LIMS1: variants seen among roughly 807,000 people sequenced by gnomAD.
The protein encoded by LIMS1 is LIM and senescent cell antigen-like-containing domain protein 1.
Under a neutral mutation model 44.1 loss-of-function variants are expected in LIMS1, and 18 were observed. That is an observed-to-expected ratio of 0.41 (90% CI 0.28 to 0.61). The LOEUF (loss-of-function observed/expected upper bound fraction) is 0.61, where lower values mean the gene tolerates loss of function less well. Ranked by LOEUF, LIMS1 falls within the 20% of genes least tolerant of loss-of-function variation. LIMS1 has a pLI of 0.32. For missense variants in LIMS1, 201 were observed against 422.0 expected (o/e 0.48, Z 4.59); for synonymous variants, 93 against 149.1 (o/e 0.62, Z 2.74).
rs72948775 is a variant in LIMS1, at chr2:108,615,065, C to T, written c.33-44540C>T. ...GAAATATGCTGAGCAGATATAGATACGCTAGAATCTATAGCGTATAGTTGT... is the reference window on the plus strand; with the variant it reads ...GAAATATGCTGAGCAGATATAGATATGCTAGAATCTATAGCGTATAGTTGT... On this transcript the variant is annotated intron_variant, in intron 1 of 9. Coordinates refer to ENST00000544547, the Ensembl canonical transcript of LIMS1. Among the ~76,000 whole-genome samples, 715 of 151,504 alleles carry T rather than the reference C, an allele frequency of 4.7e-3. 7 individuals carry two copies. The highest frequency in any genetic ancestry group is 0.015 in the African/African-American group (607 of 41,424).
intron 1 of LIMS1, among the ~76,000 whole-genome samples, chr2:108,538,707 G>A (rs533436851): frequency 1.3e-5 from 2 of 152,146 alleles, no homozygotes; most frequent in South Asian, 2.1e-4. Flanking sequence ...AAAAAGTTAC[G>A]GGAAAACATG....
intron 1 of LIMS1, among the ~76,000 whole-genome samples, chr2:108,570,849 G>A (rs1028823384): frequency 6.6e-6 from 1 of 152,152 alleles, no homozygotes; most frequent in Non-Finnish European, 1.5e-5. Flanking sequence ...GGCCAAGACC[G>A]CTCCTCCATC....
intron 1 of LIMS1, among the ~76,000 whole-genome samples, chr2:108,608,115 C>T (rs1687374357): frequency 6.6e-6 from 1 of 152,200 alleles, no homozygotes; most frequent in Non-Finnish European, 1.5e-5. Flanking sequence ...CTCTTCCAAT[C>T]ACATTCCCTC....
At chr2:108,644,326 GC>G (rs1211782945) in intron 1 of LIMS1, among the ~76,000 whole-genome samples, 1 of 152,124 alleles carries the variant, frequency 6.6e-6, no homozygotes, top group East Asian at 1.9e-4. Context: ...ACAGCCTGCA[GC>G]CCCCGCCAGT....
chr2:108,651,624 G>A (rs1690495599), intron 1 of LIMS1, among the ~76,000 whole-genome samples: 1 of 152,032 alleles, frequency 6.6e-6, no homozygotes, highest in Middle Eastern at 3.4e-3. Context: ...TCTATTTAGG[G>A]TTACTGTGTG....
At chr2:108,596,920 T>TG (rs1413880490) in intron 1 of LIMS1, among the ~76,000 whole-genome samples, 1 of 138,766 alleles carries the variant, frequency 7.2e-6, no homozygotes, top group African/African-American at 2.7e-5. Flanking sequence ...CATCTGTTTT[T>TG]TTTTTTTTTT....
exon 1 of LIMS1, chr2:108,534,439 G>C (rs922222637): frequency 2.7e-6 from 2 of 745,940 alleles, no homozygotes; most frequent in African/African-American, 1.9e-5. Flanking sequence ...CCGGCCCCTG[G>C]CCTTCCTCCC....
intron 1 of LIMS1, among the ~76,000 whole-genome samples, chr2:108,616,649 AT>A (rs898282433): frequency 1.0e-3 from 155 of 150,828 alleles, no homozygotes; most frequent in African/African-American, 3.5e-3. Flanking sequence ...TATTTTCATG[AT>A]TTTTTTTTTC....
intron 1 of LIMS1, among the ~76,000 whole-genome samples, chr2:108,582,623 C>G (rs1469888504): frequency 6.6e-6 from 1 of 151,990 alleles, no homozygotes; most frequent in African/African-American, 2.4e-5. Flanking sequence ...TGAAAATTTG[C>G]TAGGTGTGGT....
chr2:108,650,530 G>A (rs2148944031), intron 1 of LIMS1, among the ~76,000 whole-genome samples: 1 of 151,738 alleles, frequency 6.6e-6, no homozygotes, highest in Admixed American at 6.6e-5. Context: ...CGATTCTCCT[G>A]CCTCAGCCTC....
chr2:108,626,601 A>G (rs1395510929), intron 1 of LIMS1, among the ~76,000 whole-genome samples: 1 of 152,214 alleles, frequency 6.6e-6, no homozygotes, highest in Non-Finnish European at 1.5e-5. Flanking sequence ...CTGTGCATCT[A>G]GCACGTACTG....
In LIMS1 at chr2:108,675,893, C is replaced by T. The variant is rs139019525; in HGVS notation, c.546C>T (p.Ala182=). 2.5e-5 allele frequency: 41 copies of T among 1,613,810 alleles called. No individual in the cohort carries two copies. The Middle Eastern group carries it at 8.2e-4, about 32-fold the overall frequency. The change falls in exon 6 of 10, where the codon GCC becomes GCT. Residue 182 remains alanine, a synonymous_variant. Coordinates refer to ENST00000544547, the Ensembl canonical transcript of LIMS1. ...TCACGGACAGGAAGGAGCTGACTGC[C>T]GATGCACGGGAGCTGAAAGGGGAGC... is the stretch of plus-strand genomic sequence containing the variant.
intron 1 of LIMS1, among the ~76,000 whole-genome samples, chr2:108,657,591 C>T (rs1172544957): frequency 2.0e-3 from 303 of 152,122 alleles, no homozygotes; most frequent in African/African-American, 6.9e-3. Context: ...ATCTGGCTTA[C>T]GGCAAAGCTG....
chr2:108,650,561 G>C lies in LIMS1; in HGVS notation c.33-9044G>C, dbSNP rs145106800. On this transcript the variant is annotated intron_variant, in intron 1 of 9. Coordinates refer to ENST00000544547, the Ensembl canonical transcript of LIMS1. Reference sequence around the variant, plus strand: ...GCCTCCTGAGCAGCTGGGATTACACGTGCCCACCACCACGCCAGCTAATGT... The same window carrying C: ...GCCTCCTGAGCAGCTGGGATTACACCTGCCCACCACCACGCCAGCTAATGT... 5.3e-5 allele frequency among the ~76,000 whole-genome samples: 8 copies of C among 152,138 alleles called. No homozygotes were observed. The East Asian group carries it at 1.4e-3, about 26-fold the overall frequency.
intron 1 of LIMS1, among the ~76,000 whole-genome samples, chr2:108,550,018 G>A (rs938363181): frequency 6.6e-6 from 1 of 152,038 alleles, no homozygotes; most frequent in Non-Finnish European, 1.5e-5. Flanking sequence ...TAAAATGCCT[G>A]ATGATATCCT....
At chr2:108,551,658 G>GTATATATATA (rs915096911) in intron 1 of LIMS1, among the ~76,000 whole-genome samples, 3 of 141,552 alleles carry the variant, frequency 2.1e-5, no homozygotes, top group Non-Finnish European at 4.5e-5. Context: ...GTATATATAT[G>GTATATATATA]TATATACACA....
chr2:108,597,577 G>A (rs1267470141), intron 1 of LIMS1, among the ~76,000 whole-genome samples: 4 of 152,104 alleles, frequency 2.6e-5, no homozygotes, highest in African/African-American at 7.2e-5. Context: ...ACGTATGTCT[G>A]TGTGAAAGAG....
At chr2:108,663,486 C>A (rs1270132675) in intron 2 of LIMS1, among the ~76,000 whole-genome samples, 2 of 152,098 alleles carry the variant, frequency 1.3e-5, no homozygotes, top group Non-Finnish European at 2.9e-5. Flanking sequence ...TAATTTTTCC[C>A]ATAAGAAAAT....
intron 1 of LIMS1, among the ~76,000 whole-genome samples, chr2:108,642,541 C>T (rs1033222498): frequency 1.3e-5 from 2 of 151,266 alleles, no homozygotes; most frequent in African/African-American, 4.9e-5. Flanking sequence ...TTGTATTTTT[C>T]GTAGAGACGG....
Sources: gnomAD v4.1 joint callset for allele counts (sites outside exome capture counted in the v4.1 genomes callset) on GRCh38, gnomAD v4.1.1 for gene constraint, MANE v1.5 for transcripts, NCBI Gene and HGNC (gene_info 2026-07-23, HGNC 2026-07-21) for gene names.